Variants in SEMA3A observed in about 807,000 individuals in gnomAD.
SEMA3A encodes the protein semaphorin 3A.
Under a neutral mutation model 97.9 loss-of-function variants are expected in SEMA3A, and 29 were observed. That is an observed-to-expected ratio of 0.30 (90% confidence interval 0.22 to 0.40). The LOEUF (loss-of-function observed/expected upper bound fraction) is 0.40, where lower values mean the gene tolerates loss of function less well. Among genes scored for constraint, SEMA3A ranks in the 10% least tolerant of loss-of-function variants. SEMA3A has a pLI of 1.00. For missense variants in SEMA3A, 763 were observed against 951.3 expected (o/e 0.80, Z 2.60); for synonymous variants, 321 against 323.7 (o/e 0.99, Z 0.09).
chr7:84,204,662 C>A (rs2116305316), intron 3 of SEMA3A, among the ~76,000 whole-genome samples: 1 of 152,214 alleles, frequency 6.6e-6, no homozygotes, highest in African/African-American at 2.4e-5. Flanking sequence ...TGAAAAGTTG[C>A]CCTTTAAGTA....
intron 12 of SEMA3A, among the ~76,000 whole-genome samples, chr7:83,992,080 T>G (rs569342345): frequency 0.15 from 21,049 of 138,356 alleles, 1,823 homozygotes; most frequent in Non-Finnish European, 0.2. Flanking sequence ...TTTATCCATT[T>G]CTTCTAGATT....
intron 2 of SEMA3A, among the ~76,000 whole-genome samples, chr7:84,316,641 GCTCCTGTGAAT>G (rs1801510270): frequency 6.6e-6 from 1 of 152,048 alleles, no homozygotes; most frequent in Admixed American, 6.6e-5. Flanking sequence ...CCATTTAAGA[GCTCCTGTGAAT>G]CTTCTCTCCT....
intron 1 of SEMA3A, among the ~76,000 whole-genome samples, chr7:84,439,014 G>A (rs960891384): frequency 2.0e-5 from 3 of 151,756 alleles, no homozygotes; most frequent in African/African-American, 7.3e-5. Flanking sequence ...TGTTGTGTCA[G>A]AGGGGCCTGA....
At chr7:84,357,134 A>G (rs1016187998) in intron 2 of SEMA3A, among the ~76,000 whole-genome samples, 20 of 150,514 alleles carry the variant, frequency 1.3e-4, no homozygotes, top group Non-Finnish European at 2.8e-4. Context: ...TTATATATAT[A>G]TATTTTTTAT....
chr7:83,981,148 T>G (rs1271270209), intron 14 of SEMA3A, among the ~76,000 whole-genome samples, 173 bp downstream of exon 14: 1 of 152,174 alleles, frequency 6.6e-6, no homozygotes, highest in Non-Finnish European at 1.5e-5. Context: ...CTGATTGTTT[T>G]AACTATTTGA....
intron 2 of SEMA3A, among the ~76,000 whole-genome samples, chr7:84,347,635 C>T (rs1161329420): frequency 6.6e-6 from 1 of 152,088 alleles, no homozygotes; most frequent in Non-Finnish European, 1.5e-5. Flanking sequence ...TGGTCTCGAT[C>T]TCTTGACCTC....
chr7:84,446,957 C>G (rs1225277410), intron 1 of SEMA3A, among the ~76,000 whole-genome samples: 1 of 152,168 alleles, frequency 6.6e-6, no homozygotes, highest in Admixed American at 6.5e-5. Context: ...CCAGCCACAG[C>G]TGGGGACCCA....
chr7:84,171,117 G>C (rs1797370251), intron 1 of SEMA3A, among the ~76,000 whole-genome samples: 1 of 152,016 alleles, frequency 6.6e-6, no homozygotes, highest in Admixed American at 6.6e-5. Context: ...GAATTATAAA[G>C]AATGGTGCTC....
At chr7:84,160,475 A>G (rs1362885077) in intron 1 of SEMA3A, among the ~76,000 whole-genome samples, 4 of 152,068 alleles carry the variant, frequency 2.6e-5, no homozygotes, top group African/African-American at 9.7e-5. Context: ...ACTTGACCCA[A>G]GAAGCGGAGG....
intron 4 of SEMA3A, among the ~76,000 whole-genome samples, chr7:84,087,257 T>C (rs1794410568): frequency 6.6e-6 from 1 of 152,182 alleles, no homozygotes; most frequent in Non-Finnish European, 1.5e-5. Context: ...AGAAGTGTGA[T>C]TTTGTGTTAT....
chr7:84,265,565 T>G (rs933091503), intron 3 of SEMA3A, among the ~76,000 whole-genome samples: 1 of 148,388 alleles, frequency 6.7e-6, no homozygotes, highest in African/African-American at 2.4e-5. Context: ...GTATTATATA[T>G]ATATTTAAGA....
At chr7:84,407,317 C>A (rs914421432) in intron 1 of SEMA3A, among the ~76,000 whole-genome samples, 4 of 152,040 alleles carry the variant, frequency 2.6e-5, no homozygotes, top group Non-Finnish European at 5.9e-5. Flanking sequence ...AATACAATGC[C>A]TAGGAATACA....
At chr7:83,992,452 A>G (rs1161357054) in intron 12 of SEMA3A, among the ~76,000 whole-genome samples, 1 of 150,026 alleles carries the variant, frequency 6.7e-6, no homozygotes, top group African/African-American at 2.5e-5. Flanking sequence ...TCTTGTGGGC[A>G]TTTAGTGCTA....
intron 1 of SEMA3A, among the ~76,000 whole-genome samples, chr7:84,479,078 G>A (rs1015730994): frequency 1.3e-5 from 2 of 152,058 alleles, no homozygotes; most frequent in African/African-American, 4.8e-5. Context: ...TAGGTCAAGT[G>A]TTCTTTTTCA....
rs575814423 is a variant in SEMA3A at position 83,990,237 on chromosome 7, G to C, written c.1453-4760C>G. On this transcript the variant is annotated intron_variant, in intron 12 of 16. Coordinates refer to ENST00000265362, the MANE Select transcript of SEMA3A (RefSeq NM_006080.3). ...ATATTAGCCCTTTGTCAGATAAGTA[G>C]GTTGCAAAAATTTTCTCCCATTTTG... Among the ~76,000 whole-genome samples, 227 of 152,108 alleles carry C rather than the reference G, an allele frequency of 1.5e-3. 1 individual carries two copies. The highest frequency in any genetic ancestry group is 2.3e-3 in the South Asian group (11 of 4,816).
At chr7:84,235,344 A>G (rs991294941) in intron 3 of SEMA3A, among the ~76,000 whole-genome samples, 6 of 152,070 alleles carry the variant, frequency 3.9e-5, no homozygotes, top group Non-Finnish European at 7.4e-5. Context: ...TATTTAATAT[A>G]TGCAATCATT....
intron 6 of SEMA3A, among the ~76,000 whole-genome samples, chr7:84,016,487 G>C (rs1791106963): frequency 6.6e-6 from 1 of 150,622 alleles, no homozygotes; most frequent in South Asian, 2.1e-4. Flanking sequence ...GCAGTGAGCC[G>C]AGATCGCGCC....
intron 3 of SEMA3A, among the ~76,000 whole-genome samples, chr7:84,226,862 G>T (rs1319117617): frequency 6.6e-6 from 1 of 151,960 alleles, no homozygotes; most frequent in Non-Finnish European, 1.5e-5. Flanking sequence ...TGGAAATGAA[G>T]ATTTATAGTC....
At chr7:84,116,195 A>G (rs1438299554) in intron 3 of SEMA3A, among the ~76,000 whole-genome samples, 1 of 152,170 alleles carries the variant, frequency 6.6e-6, no homozygotes, top group Non-Finnish European at 1.5e-5. Flanking sequence ...TCTGTTTTAT[A>G]GTTATAATAT....
Sources: gnomAD v4.1 joint callset for allele counts (sites outside exome capture counted in the v4.1 genomes callset) on GRCh38, gnomAD v4.1.1 for gene constraint, MANE v1.5 for transcripts, NCBI Gene and HGNC (gene_info 2026-07-23, HGNC 2026-07-21) for gene names.